EIF4H: variants seen among roughly 807,000 people sequenced by gnomAD.
EIF4H encodes the protein eukaryotic translation initiation factor 4H, also known as Williams-Beuren syndrome chromosome region 1.
A neutral mutation model predicts 30.6 loss-of-function variants in EIF4H; 8 were observed. The ratio of observed to expected loss-of-function variants is 0.26; its 90% CI spans 0.15 to 0.47. EIF4H has a LOEUF of 0.47. Ranked by LOEUF, EIF4H falls within the 20% of genes least tolerant of loss-of-function variation. EIF4H has a pLI of 0.99. For missense variants in EIF4H, 188 were observed against 339.5 expected (o/e 0.55, Z 3.51); for synonymous variants, 106 against 122.7 (o/e 0.86, Z 0.90).
Position 74,187,672 on chromosome 7 carries a change from C to G in EIF4H, c.121C>G (p.Pro41Ala), listed in dbSNP as rs1801118015. 1 of 1,613,512 alleles carries G rather than the reference C, an allele frequency of 6.2e-7. No homozygotes were observed. The highest frequency in any genetic ancestry group is 1.7e-5 in the Admixed American group (1 of 59,976). The change falls in exon 2 of 7, where the codon CCC becomes GCC. Residue 41 changes from proline (P) to alanine (A), a missense_variant. Around this residue, in one of 4 missense-constraint regions of EIF4H, gnomAD observed 52 missense variants for 143.9 expected, o/e 0.36. Coordinates refer to ENST00000265753, the MANE Select transcript of EIF4H (RefSeq NM_022170.2). ...RSQKELPTEP[P>A]YTAYVGNLPF... The stretch of plus-strand genomic sequence containing the variant: ...CCAGAAGGAGTTGCCCACAGAGCCC[C>G]CCTACACAGCATACGTAGGAAATCT...
chr7:74,183,884 T>TG (rs1801022108), intron 1 of EIF4H: 1 of 152,402 alleles, frequency 6.6e-6, no homozygotes, highest in East Asian at 1.9e-4. Flanking sequence ...GGCCCAGCCC[T>TG]GCTGCCCCCT....
chr7:74,186,788 A>AATTTTTTTTTTTTTTTTTT (rs1801089805), intron 1 of EIF4H, among the ~76,000 whole-genome samples: 2 of 70,122 alleles, frequency 2.9e-5, no homozygotes, highest in Non-Finnish European at 5.8e-5. Context: ...ACAAGGAGAA[A>AATTTTTTTTTTTTTTTTTT]TTTTTTTTTT....
In EIF4H at chr7:74,187,539, C is replaced by T. The variant is rs116438433; in HGVS notation, c.60-72C>T. 4,674 of 1,411,134 alleles carry T rather than the reference C, an allele frequency of 3.3e-3. 134 individuals carry two copies. The African/African-American group carries it at 0.059, about 18-fold the overall frequency. The allele number at this position is 1,411,134 out of a possible 1,614,324, so 87.4% of individuals were successfully genotyped here. ...CTGGGGCGCTGGCGGCGTAGCTCAGCGGAAGACCGCTTTACTTGTTTTGCT... is the reference window on the plus strand; with the variant it reads ...CTGGGGCGCTGGCGGCGTAGCTCAGTGGAAGACCGCTTTACTTGTTTTGCT... On this transcript the variant is annotated intron_variant, in intron 1 of 6. Coordinates refer to ENST00000265753, the MANE Select transcript of EIF4H (RefSeq NM_022170.2).
At chr7:74,184,075 G>A (rs1263200946) in intron 1 of EIF4H, among the ~76,000 whole-genome samples, 1 of 152,204 alleles carries the variant, frequency 6.6e-6, no homozygotes, top group African/African-American at 2.4e-5. Context: ...GGGCTTTGGT[G>A]TATCTTTGCT....
At chr7:74,194,166 T>G (rs185298849) in intron 5 of EIF4H, among the ~76,000 whole-genome samples, 3 of 152,340 alleles carry the variant, frequency 2.0e-5, no homozygotes, top group Non-Finnish European at 4.4e-5. Flanking sequence ...CCCCTCTGTG[T>G]AGGGCATGGC....
chr7:74,190,425 C>G lies in EIF4H; in HGVS notation c.469+119C>G, dbSNP rs1041243844. The G allele has an allele frequency of 1.2e-4, 124 of 1,011,478 alleles. 1 individual carries two copies. The Middle Eastern group carries it at 1.5e-3, about 12-fold the overall frequency. The allele number at this position is 1,011,478 out of a possible 1,614,324, so 62.7% of individuals were successfully genotyped here. ...TATTTAGTTCCTTTAACAAATACAA[C>G]TCTCCTGCAGGGTGCCCAGGCATGC... On this transcript the variant is annotated intron_variant, in intron 5 of 6. Coordinates refer to ENST00000265753, the MANE Select transcript of EIF4H (RefSeq NM_022170.2).
chr7:74,183,041 ACCGAGTCTTAGGTTTGTG>A (rs1264386805), intron 1 of EIF4H, among the ~76,000 whole-genome samples: 1 of 152,150 alleles, frequency 6.6e-6, no homozygotes, highest in Non-Finnish European at 1.5e-5. Flanking sequence ...GAGGGCAGAA[ACCGAGTCTTAGGTTTGTG>A]CCTTCTCTAC....
chr7:74,186,788 A>ATTTTTTTTTTTT (rs564794579), intron 1 of EIF4H, among the ~76,000 whole-genome samples: 4 of 70,120 alleles, frequency 5.7e-5, no homozygotes, highest in Admixed American at 1.7e-4. Flanking sequence ...ACAAGGAGAA[A>ATTTTTTTTTTTT]TTTTTTTTTT....
chr7:74,190,965 G>C (rs1426894411), intron 5 of EIF4H, among the ~76,000 whole-genome samples: 1 of 152,128 alleles, frequency 6.6e-6, no homozygotes, highest in Non-Finnish European at 1.5e-5. Flanking sequence ...AGAAAGGTAG[G>C]AAGAGAAAAA....
chr7:74,187,391 A>C (rs1801109305), intron 1 of EIF4H, among the ~76,000 whole-genome samples: 1 of 152,222 alleles, frequency 6.6e-6, no homozygotes, highest in Non-Finnish European at 1.5e-5. Flanking sequence ...AGATTGTGCC[A>C]CTGCACTCCA....
At chr7:74,193,810 A>G (rs1194671910) in intron 5 of EIF4H, among the ~76,000 whole-genome samples, 4 of 152,006 alleles carry the variant, frequency 2.6e-5, no homozygotes, top group Non-Finnish European at 4.4e-5. Flanking sequence ...AGTGAGTCTC[A>G]CTGTGTTGCC....
chr7:74,191,050 C>G (rs1801196896), intron 5 of EIF4H: 3 of 401,578 alleles, frequency 7.5e-6, no homozygotes, highest in Non-Finnish European at 9.8e-6. Flanking sequence ...GCACCCTCCC[C>G]CCATCAAAAC....
At chr7:74,175,292 A>G (rs1563945981) in intron 1 of EIF4H, among the ~76,000 whole-genome samples, 1 of 152,136 alleles carries the variant, frequency 6.6e-6, no homozygotes, top group East Asian at 1.9e-4. Flanking sequence ...TTTATTTTTT[A>G]AATACAAGTT....
At chr7:74,190,089 C>T (rs1163391175) in intron 4 of EIF4H, 158 bp from the exon 5 acceptor site, 1 of 1,114,328 alleles carries the variant, frequency 9.0e-7, no homozygotes, top group Non-Finnish European at 1.3e-6. Context: ...CTTCTGCAAG[C>T]CTGGCGTTTT....
intron 5 of EIF4H, 117 bp from the exon 6 acceptor site, chr7:74,194,624 A>G (rs1399234747): frequency 4.3e-6 from 6 of 1,389,724 alleles, no homozygotes; most frequent in Non-Finnish European, 5.7e-6. Context: ...GAGACTTCAG[A>G]TAGTGGACAA....
chr7:74,175,915 A>T (rs1405866444), intron 1 of EIF4H, among the ~76,000 whole-genome samples: 3 of 152,128 alleles, frequency 2.0e-5, no homozygotes, highest in African/African-American at 7.2e-5. Flanking sequence ...TCAAATTTTG[A>T]CATTTGGGGG....
chr7:74,184,422 C>T (rs1437851806), intron 1 of EIF4H, among the ~76,000 whole-genome samples: 12 of 152,160 alleles, frequency 7.9e-5, no homozygotes, highest in African/African-American at 2.9e-4. Flanking sequence ...TCCTCACCCT[C>T]CTTTTTAGTT....
In EIF4H at chr7:74,189,750, G is replaced by T; in HGVS notation, c.312+13G>T. ...ATACGATGGTGCAGTAAGTATCCTC[G>T]GGTTTTCTCTGTCATAGCAGTTGAG... On this transcript the variant is annotated intron_variant, in intron 3 of 6. Transcript: ENST00000265753. The T allele has an allele frequency of 6.2e-7, 1 of 1,614,188 alleles. No homozygotes were observed. The highest frequency in any genetic ancestry group is 8.5e-7 in the Non-Finnish European group (1 of 1,180,020).
In EIF4H at chr7:74,185,662, C is replaced by T. The variant is rs1801064785; in HGVS notation, c.60-1949C>T. Among the ~76,000 whole-genome samples the T allele has an allele frequency of 3.3e-5, 5 of 151,998 alleles. 1 individual carries two copies. The South Asian group carries it at 8.3e-4, about 25-fold the overall frequency. On this transcript the variant is annotated intron_variant, in intron 1 of 6. Coordinates refer to ENST00000265753, the MANE Select transcript of EIF4H (RefSeq NM_022170.2). ...ATGAATAATATTTGTCTGCAAGACA[C>T]CTGGAATTTATCTTCAGGAAGAAGT...
Sources: allele counts gnomAD v4.1 joint callset (sites outside exome capture counted in the v4.1 genomes callset), GRCh38; gene constraint gnomAD v4.1.1; regional missense constraint gnomAD v4.1.1; transcripts MANE v1.5; gene names NCBI Gene and HGNC (gene_info 2026-07-23, HGNC 2026-07-21).